RICTOR: variants seen among roughly 807,000 people sequenced by gnomAD.
RICTOR encodes the protein RPTOR independent companion of MTOR complex 2, also known as rapamycin-insensitive companion of mTOR.
In RICTOR, 49 loss-of-function variants were observed where a neutral mutation model predicts 214.9. That is an observed-to-expected ratio of 0.23 (90% CI 0.18 to 0.29). The LOEUF is 0.29. RICTOR is among the 10% of genes least tolerant of loss of function. RICTOR has a pLI of 1.00. For missense variants in RICTOR, 1,625 were observed against 2,047.0 expected (o/e 0.79, Z 3.98); for synonymous variants, 717 against 711.3 (o/e 1.01, Z -0.13).
intron 2 of RICTOR, among the ~76,000 whole-genome samples, chr5:39,068,032 A>C (rs1399680006): frequency 6.6e-6 from 1 of 152,204 alleles, no homozygotes; most frequent in African/African-American, 2.4e-5. Context: ...GAACTAAAGT[A>C]AGACAATGGT....
chr5:38,964,726 G>C, intron 16 of RICTOR, 66 bp downstream of exon 16: 1 of 796,518 alleles, frequency 1.3e-6, no homozygotes, highest in East Asian at 2.9e-5. Context: ...TTAAAAAGAA[G>C]AGACAATAAT....
chr5:38,961,104 T>C (rs533496273), intron 19 of RICTOR, among the ~76,000 whole-genome samples: 1 of 150,948 alleles, frequency 6.6e-6, no homozygotes, highest in East Asian at 1.9e-4. Flanking sequence ...GTACATTTCA[T>C]ACCAAAAAAA....
At chr5:39,024,596 G>A in intron 2 of RICTOR, among the ~76,000 whole-genome samples, 1 of 152,176 alleles carries the variant, frequency 6.6e-6, no homozygotes, top group Non-Finnish European at 1.5e-5. Flanking sequence ...GAGGTTCATA[G>A]AAGCTAGTGT....
chr5:39,035,229 G>C (rs989890098), intron 2 of RICTOR, among the ~76,000 whole-genome samples: 1 of 152,122 alleles, frequency 6.6e-6, no homozygotes, highest in Non-Finnish European at 1.5e-5. Context: ...AGTGGACCTC[G>C]GGCGAACTCC....
chr5:39,038,727 G>A (rs1305385936), intron 2 of RICTOR, among the ~76,000 whole-genome samples: 1 of 130,914 alleles, frequency 7.6e-6, no homozygotes. Flanking sequence ...TTGCTTCAAA[G>A]AGAATAAAAT....
chr5:39,073,996 G>A, intron 2 of RICTOR, 115 bp downstream of exon 2: 1 of 613,574 alleles, frequency 1.6e-6, no homozygotes, highest in Non-Finnish European at 2.2e-6. Flanking sequence ...TCCGGCTCTG[G>A]CCCCCGCACC....
intron 2 of RICTOR, among the ~76,000 whole-genome samples, chr5:39,052,309 G>C (rs1048538236): frequency 1.3e-5 from 2 of 152,182 alleles, no homozygotes; most frequent in African/African-American, 4.8e-5. Flanking sequence ...CCAGGAGTTT[G>C]AGGTTACAGT....
At chr5:39,058,472 A>G (rs1246680721) in intron 2 of RICTOR, among the ~76,000 whole-genome samples, 1 of 152,092 alleles carries the variant, frequency 6.6e-6, no homozygotes, top group Non-Finnish European at 1.5e-5. Flanking sequence ...TAGAAAATCC[A>G]TGACATTACT....
At position 38,981,993 on chromosome 5, in the gene RICTOR, G is replaced by A; in HGVS notation, c.627C>T (p.Asn209=). The part of the protein sequence containing the change: ...PEVVALRGGL[N]TILKNVIDCQ... ...AATCGATCACATTTTTCAAGATGGT[G>A]TTTAGTCCACCTCGAAGGGCCACCA... The change falls in exon 8 of 38, where the codon AAC becomes AAT. Residue 209 remains asparagine, a synonymous_variant. Transcript: ENST00000357387. 9.3e-6 allele frequency: 15 copies of A among 1,613,072 alleles called. No homozygotes were observed. The highest frequency in any genetic ancestry group is 1.3e-5 in the Non-Finnish European group (15 of 1,179,192).
chr5:38,953,876 C>G (rs1749008560), intron 27 of RICTOR, among the ~76,000 whole-genome samples: 1 of 151,786 alleles, frequency 6.6e-6, no homozygotes, highest in African/African-American at 2.4e-5. Flanking sequence ...ACATACAGTG[C>G]TTACCAAAGT....
chr5:38,971,213 A>T (rs1750752751), intron 11 of RICTOR: 1 of 152,056 alleles, frequency 6.6e-6, no homozygotes, highest in South Asian at 2.1e-4. Context: ...TTTTTAGTAG[A>T]GACGGGGTTT....
In RICTOR at chr5:38,961,641, A is replaced by G. The variant is rs116219153; in HGVS notation, c.1715+674T>C. On this transcript the variant is annotated intron_variant, in intron 19 of 37. Coordinates refer to ENST00000357387, the MANE Select transcript of RICTOR (RefSeq NM_152756.5). ...TCAAGGAGTATAAAAAGTTAGTACTATGCTTTTTTATTTCAGTGCAATTTA... is the reference window on the plus strand; with the variant it reads ...TCAAGGAGTATAAAAAGTTAGTACTGTGCTTTTTTATTTCAGTGCAATTTA... 5.7e-3 allele frequency among the ~76,000 whole-genome samples: 873 copies of G among 152,254 alleles called. 8 individuals carry two copies. Among genetic ancestry groups the G allele is most frequent in the African/African-American group, 0.02 (836 of 41,572 alleles).
chr5:39,074,322 G>A lies in RICTOR; in HGVS notation c.49+7C>T. The A allele has an allele frequency of 3.9e-6, 6 of 1,546,250 alleles. No homozygotes were observed. Among genetic ancestry groups the A allele is most frequent in the Non-Finnish European group, 5.2e-6 (6 of 1,145,472 alleles). The stretch of plus-strand genomic sequence containing the variant: ...GCGGTGGGGAGTGAGGGTTGCAGCG[G>A]GCTTACCTCGTACTCGGAGGTTCTT... On this transcript the variant is annotated splice_region_variant and intron_variant, in intron 1 of 37. Coordinates refer to ENST00000357387, the MANE Select transcript of RICTOR (RefSeq NM_152756.5).
intron 5 of RICTOR, among the ~76,000 whole-genome samples, chr5:38,997,154 G>T (rs938669581): frequency 5.3e-5 from 8 of 151,838 alleles, no homozygotes; most frequent in South Asian, 2.1e-4. Flanking sequence ...CATAAAGAAA[G>T]AATAATAAAC....
chr5:38,989,588 T>A (rs372472937), intron 7 of RICTOR, among the ~76,000 whole-genome samples: 1 of 151,914 alleles, frequency 6.6e-6, no homozygotes, highest in Non-Finnish European at 1.5e-5. Context: ...GGGAAAAAAA[T>A]TTTGCAATCT....
chr5:39,072,645 A>G (rs1386274296), intron 2 of RICTOR, among the ~76,000 whole-genome samples: 1 of 152,238 alleles, frequency 6.6e-6, no homozygotes, highest in Non-Finnish European at 1.5e-5. Flanking sequence ...TCTATTTTAT[A>G]TAGATTTTTC....
intron 5 of RICTOR, among the ~76,000 whole-genome samples, chr5:38,997,116 T>C (rs1258730149): frequency 1.3e-5 from 2 of 152,140 alleles, no homozygotes; most frequent in Non-Finnish European, 2.9e-5. Flanking sequence ...GAAAGAACAG[T>C]ATAGTAATTT....
intron 6 of RICTOR, among the ~76,000 whole-genome samples, chr5:38,993,617 C>G (rs1278859915): frequency 6.6e-6 from 1 of 151,948 alleles, no homozygotes; most frequent in Non-Finnish European, 1.5e-5. Flanking sequence ...TTTTCCTTAT[C>G]CTTTAAAATA....
At chr5:39,005,175 C>A (rs1753956587) in intron 3 of RICTOR, among the ~76,000 whole-genome samples, 1 of 152,184 alleles carries the variant, frequency 6.6e-6, no homozygotes, top group South Asian at 2.1e-4. Flanking sequence ...TTGTAGCTAT[C>A]CTGCTTAGGG....
Sources: gnomAD v4.1 joint callset for allele counts (sites outside exome capture counted in the v4.1 genomes callset) on GRCh38, gnomAD v4.1.1 for gene constraint, MANE v1.5 for transcripts, NCBI Gene and HGNC (gene_info 2026-07-23, HGNC 2026-07-21) for gene names.